The following WWOX variants were observed in gnomAD, a reference collection of about 807,000 sequenced individuals.
The protein encoded by WWOX is WW domain containing oxidoreductase.
Under a neutral mutation model 46.2 loss-of-function variants are expected in WWOX, and 69 were observed. That is an observed-to-expected ratio of 1.49 (90% confidence interval 1.23 to 1.82). WWOX has a LOEUF of 1.82. Among genes scored for constraint, WWOX ranks in the 40% most tolerant of loss-of-function variants. The probability of loss-of-function intolerance (pLI) is 0.00; values close to 1 mark genes in which losing one functional copy is unlikely to be tolerated. For missense variants in WWOX, 919 were observed against 542.6 expected, an observed-to-expected ratio of 1.69 and a Z score of -6.89; for synonymous variants, 359 against 202.6, an observed-to-expected ratio of 1.77 and a Z score of -6.56.
Position 78,567,519 on chromosome 16 carries a change from C to G in WWOX, c.1056+134767C>G, listed in dbSNP as rs1030114292. Among the ~76,000 whole-genome samples the G allele has an allele frequency of 3.8e-4, 54 of 140,876 alleles. 1 individual carries two copies. The highest frequency in any genetic ancestry group is 1.4e-3 in the African/African-American group (52 of 36,708). 92.4% of individuals were successfully genotyped at this position (140,876 alleles called of 152,430 possible). On this transcript the variant is annotated intron_variant, in intron 8 of 8. Coordinates refer to ENST00000566780, the MANE Select transcript of WWOX (RefSeq NM_016373.4). ...AGTGAGCAGAGATTGCAGCACTGCA[C>G]TCCAGCCTGGGCGACAGAAGGAGAC...
At chr16:78,846,947 A>G (rs919409148) in intron 8 of WWOX, among the ~76,000 whole-genome samples, 2 of 152,228 alleles carry the variant, frequency 1.3e-5, no homozygotes, top group Admixed American at 6.5e-5. Flanking sequence ...TCTGTAGGTC[A>G]TAATACGACA....
At chr16:78,701,444 C>T (rs145049197) in intron 8 of WWOX, among the ~76,000 whole-genome samples, 1 of 152,082 alleles carries the variant, frequency 6.6e-6, no homozygotes, top group African/African-American at 2.4e-5. Context: ...GGTCCGATGG[C>T]CACATAGGTG....
intron 8 of WWOX, among the ~76,000 whole-genome samples, chr16:78,957,041 C>T (rs755862910): frequency 6.6e-6 from 1 of 152,178 alleles, no homozygotes; most frequent in Non-Finnish European, 1.5e-5. Context: ...ATTTAATAGA[C>T]TTGCCTCATG....
In WWOX at chr16:79,085,659, A is replaced by G. The variant is rs147799139; in HGVS notation, c.1057-125949A>G. ...GTTTTCAAAATTATATCATCTTTATAATAACTGTTAGTACCTAGAAAAATG... is the reference window on the plus strand; with the variant it reads ...GTTTTCAAAATTATATCATCTTTATGATAACTGTTAGTACCTAGAAAAATG... On this transcript the variant is annotated intron_variant, in intron 8 of 8. Transcript: ENST00000566780. Among the ~76,000 whole-genome samples the G allele has an allele frequency of 1.2e-4, 18 of 152,332 alleles. No homozygotes were observed. In the East Asian group the frequency reaches 2.5e-3, roughly 21 times the overall value.
chr16:78,340,660 T>G lies in WWOX; in HGVS notation c.517-46200T>G, dbSNP rs937185992. ...AGGATGATCTGGCTGGACTATTTTT[T>G]GGGAAAACCACTGTGTTTGAATGTT... On this transcript the variant is annotated intron_variant, in intron 5 of 8. Coordinates refer to ENST00000566780, the MANE Select transcript of WWOX (RefSeq NM_016373.4). Among the ~76,000 whole-genome samples the G allele has an allele frequency of 8.3e-5, 10 of 120,402 alleles. 3 individuals are homozygous for G. Among genetic ancestry groups the G allele is most frequent in the Non-Finnish European group, 1.6e-4 (8 of 50,464 alleles). The allele number at this position is 120,402 out of a possible 152,430, so 79.0% of individuals were successfully genotyped here.
Position 78,159,423 on chromosome 16 carries a change from T to C in WWOX, c.410-4760T>C, listed in dbSNP as rs565412447. On this transcript the variant is annotated intron_variant, in intron 4 of 8. Transcript: ENST00000566780. ...TTCATAATGGTTGCACCAATTTACA[T>C]TCCACTAAGGAATGTAAGTTTCTCA... 1.9e-3 allele frequency among the ~76,000 whole-genome samples: 294 copies of C among 152,256 alleles called. 1 individual carries two copies. The highest frequency in any genetic ancestry group is 6.6e-3 in the African/African-American group (275 of 41,566).
chr16:78,390,045 C>G (rs1328373945), intron 6 of WWOX, among the ~76,000 whole-genome samples: 1 of 152,228 alleles, frequency 6.6e-6, no homozygotes, highest in South Asian at 2.1e-4. Context: ...CCCTGCCCGA[C>G]CCTTTCATTT....
At chr16:78,189,311 C>T (rs898483583) in intron 5 of WWOX, among the ~76,000 whole-genome samples, 2 of 152,238 alleles carry the variant, frequency 1.3e-5, no homozygotes, top group Non-Finnish European at 2.9e-5. Flanking sequence ...TGTAGTCCCG[C>T]CCCGAGGGGT....
intron 8 of WWOX, among the ~76,000 whole-genome samples, chr16:78,989,764 G>T (rs186662693): frequency 2.0e-5 from 3 of 151,862 alleles, no homozygotes; most frequent in South Asian, 2.1e-4. Flanking sequence ...TGAGAGTAAT[G>T]GGGCTGGCCC....
At chr16:78,704,920 GTTT>G in intron 8 of WWOX, among the ~76,000 whole-genome samples, 2 of 144,428 alleles carry the variant, frequency 1.4e-5, no homozygotes, top group Middle Eastern at 6.9e-3. Flanking sequence ...AATACAACTT[GTTT>G]TTTTTTTTTT....
At chr16:78,826,583 C>G (rs916194819) in intron 8 of WWOX, among the ~76,000 whole-genome samples, 2 of 152,192 alleles carry the variant, frequency 1.3e-5, no homozygotes, top group Non-Finnish European at 2.9e-5. Flanking sequence ...TCAAATCTCC[C>G]TCTACCTTTC....
chr16:78,667,133 T>G (rs1209784182), intron 8 of WWOX, among the ~76,000 whole-genome samples: 1 of 152,128 alleles, frequency 6.6e-6, no homozygotes, highest in Non-Finnish European at 1.5e-5. Flanking sequence ...CTTTTCACTC[T>G]CCTCCTCTCC....
rs562374015 is a variant in WWOX at position 79,045,838 on chromosome 16, G to T, written c.1057-165770G>T. ...TTTTTTTGAGATGGAGTCTCACTCTGTTGCCCAGGCTGGAGTGCAGTGGCA... is the reference window on the plus strand; with the variant it reads ...TTTTTTTGAGATGGAGTCTCACTCTTTTGCCCAGGCTGGAGTGCAGTGGCA... On this transcript the variant is annotated intron_variant, in intron 8 of 8. Coordinates refer to ENST00000566780, the MANE Select transcript of WWOX (RefSeq NM_016373.4). 2.9e-5 allele frequency among the ~76,000 whole-genome samples: 3 copies of T among 103,788 alleles called. No individual in the cohort carries two copies. The Admixed American group carries it at 4.7e-4, about 16-fold the overall frequency. The allele number at this position is 103,788 out of a possible 152,430, so 68.1% of individuals were successfully genotyped here.
intron 8 of WWOX, among the ~76,000 whole-genome samples, chr16:79,130,133 G>A (rs1260576493): frequency 6.6e-6 from 1 of 152,152 alleles, no homozygotes; most frequent in Non-Finnish European, 1.5e-5. Flanking sequence ...AATAGAAAGG[G>A]AATTTGCCCA....
intron 8 of WWOX, among the ~76,000 whole-genome samples, chr16:79,181,175 G>A (rs2150786736): frequency 6.6e-6 from 1 of 152,280 alleles, no homozygotes; most frequent in South Asian, 2.1e-4. Context: ...CTATAGGAGT[G>A]GAATGTATGT....
chr16:79,108,342 G>A (rs1022271607), intron 8 of WWOX, among the ~76,000 whole-genome samples: 2 of 152,248 alleles, frequency 1.3e-5, no homozygotes, highest in African/African-American at 4.8e-5. Flanking sequence ...CTAAATAGCT[G>A]AGCTGCGTAT....
At chr16:78,895,990 C>G (rs778601851) in intron 8 of WWOX, 6 of 152,072 alleles carry the variant, frequency 3.9e-5, no homozygotes, top group African/African-American at 1.2e-4. Context: ...ATTCCACTGT[C>G]TTTTTTGAGA....
intron 8 of WWOX, among the ~76,000 whole-genome samples, chr16:78,463,500 A>G (rs1021901585): frequency 3.3e-5 from 5 of 152,334 alleles, no homozygotes; most frequent in African/African-American, 9.6e-5. Flanking sequence ...AGTAGCTGTC[A>G]TTATTGATAA....
chr16:78,319,856 A>G (rs2080430160), intron 5 of WWOX, among the ~76,000 whole-genome samples: 1 of 152,058 alleles, frequency 6.6e-6, no homozygotes, highest in African/African-American at 2.4e-5. Context: ...CTCTTCAGGC[A>G]TCACCTCACG....
Sources: allele counts gnomAD v4.1 joint callset (sites outside exome capture counted in the v4.1 genomes callset), GRCh38; gene constraint gnomAD v4.1.1; transcripts MANE v1.5; gene names NCBI Gene and HGNC (gene_info 2026-07-23, HGNC 2026-07-21).